The following MAPK8IP3 variants were observed in gnomAD, a reference collection of about 807,000 sequenced individuals.
The protein encoded by MAPK8IP3 is C-Jun-amino-terminal kinase-interacting protein 3.
MAPK8IP3 carries 49 observed loss-of-function variants against 157.8 expected under a neutral mutation model. The ratio of observed to expected loss-of-function variants is 0.31; its 90% CI spans 0.25 to 0.39. The LOEUF (loss-of-function observed/expected upper bound fraction) is 0.39. Ranked by LOEUF, MAPK8IP3 falls within the 10% of genes least tolerant of loss-of-function variation. The pLI is 1.00. For synonymous variants in MAPK8IP3, 897 were observed against 777.7 expected (o/e 1.15, Z -2.55); for missense variants, 1,478 against 1,889.4 (o/e 0.78, Z 4.04).
Position 1,743,562 on chromosome 16 carries a change from AGCCCTT to A in MAPK8IP3, c.747+87_747+92del. The A allele has an allele frequency of 6.5e-7, 1 of 1,531,794 alleles. No homozygotes were observed. Among genetic ancestry groups the A allele is most frequent in the Non-Finnish European group, 8.7e-7 (1 of 1,150,132 alleles). 94.9% of individuals were successfully genotyped at this position (1,531,794 alleles called of 1,614,324 possible). ...TGGGGCGGGAGCCTCGTCTGCAGGC[AGCCCTT>A]CACGGCTCTCTGGGCCACTCGCCCT... On this transcript the variant is annotated intron_variant, in intron 5 of 31. Transcript: ENST00000610761. The surrounding 1 kb of genome is among the most constrained non-coding windows in gnomAD (Gnocchi z 5.6).
chr16:1,706,296 C>T lies in MAPK8IP3; in HGVS notation c.-44C>T, dbSNP rs749588842. The T allele has an allele frequency of 6.0e-6, 9 of 1,489,858 alleles. No homozygotes were observed. Among genetic ancestry groups the T allele is most frequent in the Non-Finnish European group, 5.4e-6 (6 of 1,119,870 alleles). 92.3% of individuals were successfully genotyped at this position (1,489,858 alleles called of 1,614,324 possible). ...TGAGGCAGCTGGGGAGGGCCGGGCG[C>T]GCCGGCCGGATAGCGAGCCGCGCTG... On this transcript the variant is annotated 5_prime_UTR_variant, in exon 1 of 32. Coordinates refer to ENST00000610761, the MANE Select transcript of MAPK8IP3 (RefSeq NM_001318852.2). The surrounding 1 kb of genome is among the most constrained non-coding windows in gnomAD (Gnocchi z 5.1).
chr16:1,766,115 G>A lies in MAPK8IP3; in HGVS notation c.2602G>A (p.Asp868Asn), dbSNP rs371208203. ...GCGGAGCAACTGCTCCTCCCGAGGG[G>A]ACACCCCAGTGCTAGACAAGGGGCA... Reference protein sequence around the residue: ...VPRSNCSSRGDTPVLDKGQGE... With the variant: ...VPRSNCSSRGNTPVLDKGQGE... The change falls in exon 21 of 32, where the codon GAC (aspartate) becomes AAC (asparagine). Residue 868 changes from aspartate (D) to asparagine (N), a missense_variant. By Grantham distance (23) the Asp-to-Asn change is conservative (BLOSUM62 1). This residue lies in a region of MAPK8IP3 where 669 missense variants were observed against 759.8 expected (regional missense o/e 0.88). Transcript: ENST00000610761. 19 of 1,612,348 alleles carry A rather than the reference G, an allele frequency of 1.2e-5. No homozygotes were observed. The highest frequency in any genetic ancestry group is 1.5e-5 in the Non-Finnish European group (18 of 1,179,808).
chr16:1,708,781 T>C (rs1366771298), intron 1 of MAPK8IP3, among the ~76,000 whole-genome samples: 1 of 151,992 alleles, frequency 6.6e-6, no homozygotes. Flanking sequence ...GAGGCTATGA[T>C]TAAACGCTAA....
chr16:1,727,034 G>A, intron 2 of MAPK8IP3, among the ~76,000 whole-genome samples: 1 of 151,512 alleles, frequency 6.6e-6, no homozygotes, highest in East Asian at 1.9e-4. Context: ...GCATCTGTGT[G>A]AGTCATGTGC....
intron 1 of MAPK8IP3, among the ~76,000 whole-genome samples, chr16:1,723,020 T>G (rs2038636149): frequency 7.9e-6 from 1 of 126,680 alleles, no homozygotes; most frequent in African/African-American, 3.2e-5. Context: ...TGTTTGTTTG[T>G]TTTTGTTTTT....
intron 8 of MAPK8IP3, among the ~76,000 whole-genome samples, chr16:1,750,513 G>A (rs765605879): frequency 3.3e-5 from 5 of 151,934 alleles, no homozygotes; most frequent in Admixed American, 6.6e-5. Context: ...ATGCCCGGCC[G>A]ATAATGTATA....
intron 4 of MAPK8IP3, among the ~76,000 whole-genome samples, chr16:1,731,960 C>T (rs572925620): frequency 4.6e-5 from 7 of 152,188 alleles, no homozygotes; most frequent in African/African-American, 1.4e-4. Context: ...TTCCAGGGCT[C>T]GGTGCTGGTT....
chr16:1,740,366 CTGTG>C (rs552988724), intron 4 of MAPK8IP3, among the ~76,000 whole-genome samples: 139 of 149,658 alleles, frequency 9.3e-4, no homozygotes, highest in African/African-American at 3.1e-3. Flanking sequence ...GTGCAACCGT[CTGTG>C]TGACCGTCCG....
At chr16:1,764,803 G>C (rs537472804) in intron 19 of MAPK8IP3, among the ~76,000 whole-genome samples, 1 of 152,188 alleles carries the variant, frequency 6.6e-6, no homozygotes, top group African/African-American at 2.4e-5. Flanking sequence ...GAGCTCAGGG[G>C]CCTCTTCTGT....
chr16:1,767,416 C>G, intron 26 of MAPK8IP3, 119 bp downstream of exon 26: 2 of 1,511,678 alleles, frequency 1.3e-6, no homozygotes, highest in South Asian at 2.4e-5. Flanking sequence ...CCTGTACCAC[C>G]TATGACTCAG....
intron 6 of MAPK8IP3, among the ~76,000 whole-genome samples, chr16:1,747,952 C>T (rs2041068740): frequency 6.6e-6 from 1 of 152,236 alleles, no homozygotes; most frequent in South Asian, 2.1e-4. Flanking sequence ...GAGAGGAGGT[C>T]CAGCCACTGG....
intron 1 of MAPK8IP3, among the ~76,000 whole-genome samples, chr16:1,720,283 G>A (rs983737625): frequency 6.6e-6 from 1 of 152,136 alleles, no homozygotes; most frequent in Non-Finnish European, 1.5e-5. Flanking sequence ...TGATCCACCC[G>A]CCTTGGCCTC....
intron 4 of MAPK8IP3, 151 bp downstream of exon 4, chr16:1,729,729 G>A (rs2039166275): frequency 1.3e-6 from 1 of 767,624 alleles, no homozygotes; most frequent in South Asian, 1.7e-5. Flanking sequence ...GGAGGAGGGA[G>A]CTGGTTGGAG....
chr16:1,715,796 T>C (rs1180552114), intron 1 of MAPK8IP3, among the ~76,000 whole-genome samples: 1 of 151,850 alleles, frequency 6.6e-6, no homozygotes, highest in Non-Finnish European at 1.5e-5. Context: ...TGGCGTGATC[T>C]CTACTCACTG....
chr16:1,706,724 C>T lies in MAPK8IP3; in HGVS notation c.318+67C>T, dbSNP rs1326240860. 1.1e-5 allele frequency: 16 copies of T among 1,449,994 alleles called. No individual in the cohort carries two copies. The highest frequency in any genetic ancestry group is 1.5e-5 in the Non-Finnish European group (16 of 1,095,426). The allele number at this position is 1,449,994 out of a possible 1,614,324, so 89.8% of individuals were successfully genotyped here. ...CCCCAGCCAGCCCCGGGCCCCGGAC[C>T]CAACACCCGTCCCGACCCCAGACCC... On this transcript the variant is annotated intron_variant, in intron 1 of 31. Coordinates refer to ENST00000610761, the MANE Select transcript of MAPK8IP3 (RefSeq NM_001318852.2). The surrounding 1 kb of genome is among the most constrained non-coding windows in gnomAD (Gnocchi z 5.1).
intron 16 of MAPK8IP3, among the ~76,000 whole-genome samples, chr16:1,763,394 A>G (rs1213319936): frequency 6.6e-6 from 1 of 152,244 alleles, no homozygotes; most frequent in African/African-American, 2.4e-5. Flanking sequence ...TGACTGTGGC[A>G]GCAGAGCAGC....
rs1013482220 is a variant in MAPK8IP3, at chr16:1,749,705, T to A, written c.1216+985T>A. On this transcript the variant is annotated intron_variant, in intron 8 of 31. Transcript: ENST00000610761. ...TTGCACGCGTCAGGGTCCGAGCCTT[T>A]CGCCATGGCCTTGCTTCCCCCAGCC... is the stretch of plus-strand genomic sequence containing the variant. Among the ~76,000 whole-genome samples the A allele has an allele frequency of 2.6e-5, 4 of 152,362 alleles. No homozygotes were observed. The East Asian group carries it at 7.7e-4, about 29-fold the overall frequency.
At chr16:1,737,687 T>C (rs1242452239) in intron 4 of MAPK8IP3, among the ~76,000 whole-genome samples, 1 of 68,422 alleles carries the variant, frequency 1.5e-5, no homozygotes, top group Non-Finnish European at 2.7e-5. Context: ...TGACCGTCCG[T>C]GTGTGACCAT....
At chr16:1,758,890 C>G in intron 9 of MAPK8IP3, 88 bp from the exon 10 acceptor site, 1 of 1,438,424 alleles carries the variant, frequency 7.0e-7, no homozygotes. Flanking sequence ...GCTGTCCACA[C>G]GGGCTTAACG....
Sources: allele counts gnomAD v4.1 joint callset (sites outside exome capture counted in the v4.1 genomes callset), GRCh38; gene constraint gnomAD v4.1.1; regional missense constraint gnomAD v4.1.1; non-coding constraint Gnocchi (gnomAD v3.1); transcripts MANE v1.5; gene names NCBI Gene and HGNC (gene_info 2026-07-23, HGNC 2026-07-21).